The following RPS6KA5 variants were observed in gnomAD, a reference collection of about 807,000 sequenced individuals.
RPS6KA5 encodes the protein ribosomal protein S6 kinase A5.
A neutral mutation model predicts 85.5 loss-of-function variants in RPS6KA5; 27 were observed. The ratio of observed to expected loss-of-function variants is 0.32; its 90% CI spans 0.23 to 0.44. The LOEUF (loss-of-function observed/expected upper bound fraction) is 0.44. RPS6KA5 is among the 20% of genes least tolerant of loss of function. The pLI is 1.00. For missense variants in RPS6KA5, 811 were observed against 980.9 expected, an observed-to-expected ratio of 0.83 and a Z score of 2.31; for synonymous variants, 334 against 348.2, an observed-to-expected ratio of 0.96 and a Z score of 0.46.
At chr14:90,877,752 T>C (rs915920438) in intron 14 of RPS6KA5, among the ~76,000 whole-genome samples, 5 of 152,052 alleles carry the variant, frequency 3.3e-5, no homozygotes, top group African/African-American at 4.8e-5. Context: ...GTGCCTAGAG[T>C]ATAACCCAGT....
intron 3 of RPS6KA5, among the ~76,000 whole-genome samples, chr14:90,967,711 T>C (rs2140442134): frequency 6.6e-6 from 1 of 152,322 alleles, no homozygotes; most frequent in Middle Eastern, 3.4e-3. Context: ...TGCAATTAAC[T>C]TGCTTTTAAA....
intron 3 of RPS6KA5, among the ~76,000 whole-genome samples, chr14:90,949,963 G>C (rs1184171335): frequency 6.6e-6 from 1 of 152,120 alleles, no homozygotes; most frequent in African/African-American, 2.4e-5. Context: ...AATTTTGAGG[G>C]GGCAGTTATG....
intron 12 of RPS6KA5, among the ~76,000 whole-genome samples, chr14:90,895,898 A>C (rs1167429541): frequency 6.6e-6 from 1 of 152,188 alleles, no homozygotes; most frequent in African/African-American, 2.4e-5. Flanking sequence ...AAAAGAAAAA[A>C]AGCAAAGGAC....
intron 1 of RPS6KA5, chr14:91,052,272 A>C: frequency 2.9e-6 from 1 of 343,736 alleles, no homozygotes; most frequent in South Asian, 2.1e-5. Flanking sequence ...ACATGGCAAA[A>C]CCCCATCTCT....
intron 3 of RPS6KA5, among the ~76,000 whole-genome samples, chr14:90,966,392 G>A (rs1445054100): frequency 6.6e-6 from 1 of 152,178 alleles, no homozygotes; most frequent in East Asian, 1.9e-4. Flanking sequence ...AGGAGTTTAT[G>A]CACACAGTTA....
At chr14:91,005,774 C>T (rs1451096854) in intron 1 of RPS6KA5, among the ~76,000 whole-genome samples, 1 of 152,138 alleles carries the variant, frequency 6.6e-6, no homozygotes, top group East Asian at 1.9e-4. Flanking sequence ...GCTCAAACTT[C>T]TCTACAATAA....
At chr14:90,948,704 AAC>A (rs533966990) in intron 3 of RPS6KA5, among the ~76,000 whole-genome samples, 4,178 of 151,328 alleles carry the variant, frequency 0.028, 179 homozygotes, top group African/African-American at 0.098. Flanking sequence ...CAAAAAAAAA[AAC>A]AAAAAAACCC....
At chr14:90,959,304 G>A (rs2038681010) in intron 3 of RPS6KA5, among the ~76,000 whole-genome samples, 1 of 152,204 alleles carries the variant, frequency 6.6e-6, no homozygotes, top group Admixed American at 6.5e-5. Context: ...TGAATGAAAT[G>A]GGAAGACTCT....
intron 12 of RPS6KA5, among the ~76,000 whole-genome samples, chr14:90,898,186 C>G (rs2034947813): frequency 6.6e-6 from 1 of 152,170 alleles, no homozygotes; most frequent in African/African-American, 2.4e-5. Context: ...CCTTACCACA[C>G]TTACCAACTG....
chr14:91,004,927 G>C (rs565034084), intron 1 of RPS6KA5, among the ~76,000 whole-genome samples: 1 of 151,036 alleles, frequency 6.6e-6, no homozygotes, highest in Non-Finnish European at 1.5e-5. Context: ...AAGATCGCGC[G>C]CCACTGCACT....
intron 1 of RPS6KA5, among the ~76,000 whole-genome samples, chr14:91,023,846 T>C (rs1473211345): frequency 6.6e-6 from 1 of 152,222 alleles, no homozygotes; most frequent in East Asian, 1.9e-4. Context: ...AATATTGAAG[T>C]CTAATAGTAT....
chr14:90,904,350 A>G (rs2035385389), intron 8 of RPS6KA5, among the ~76,000 whole-genome samples: 1 of 152,222 alleles, frequency 6.6e-6, no homozygotes, highest in Non-Finnish European at 1.5e-5. Context: ...AAACAAAATA[A>G]TTAAATCACA....
intron 7 of RPS6KA5, among the ~76,000 whole-genome samples, chr14:90,914,124 T>C (rs1334560095): frequency 1.3e-5 from 2 of 152,020 alleles, no homozygotes; most frequent in Non-Finnish European, 2.9e-5. Context: ...GGGTTGACTG[T>C]AGCAGTAGAG....
At chr14:90,948,642 C>T (rs186836515) in intron 3 of RPS6KA5, among the ~76,000 whole-genome samples, 5 of 151,454 alleles carry the variant, frequency 3.3e-5, no homozygotes, top group Non-Finnish European at 7.4e-5. Context: ...TTGCAGTGAG[C>T]GGAGATCGCG....
At chr14:90,904,593 T>G (rs2035398809) in intron 8 of RPS6KA5, among the ~76,000 whole-genome samples, 1 of 152,192 alleles carries the variant, frequency 6.6e-6, no homozygotes, top group South Asian at 2.1e-4. Context: ...GGCCATTGTA[T>G]ATATATTAAA....
chr14:90,924,281 A>G (rs1055451262), intron 5 of RPS6KA5, among the ~76,000 whole-genome samples: 2 of 152,158 alleles, frequency 1.3e-5, no homozygotes, highest in Admixed American at 6.5e-5. Context: ...CTGGGTTCTA[A>G]CTTTTAGGTC....
intron 2 of RPS6KA5, among the ~76,000 whole-genome samples, chr14:90,988,352 A>C (rs542459316): frequency 1.3e-5 from 2 of 152,366 alleles, no homozygotes; most frequent in East Asian, 3.9e-4. Flanking sequence ...CAGCTTCCCC[A>C]ATAATAGCTA....
rs569135166 is a variant in RPS6KA5, at chr14:91,060,032, G to A, written c.103+300C>T. On this transcript the variant is annotated intron_variant, in intron 1 of 16. Transcript: ENST00000614987. ...ACGTGTGTCACCTGTGCGGGAAGGGGGAGCAGCGACATCCTCGGAGGTGCG... is the reference window on the plus strand; with the variant it reads ...ACGTGTGTCACCTGTGCGGGAAGGGAGAGCAGCGACATCCTCGGAGGTGCG... 1.5e-4 allele frequency: 152 copies of A among 985,286 alleles called. No individual in the cohort carries two copies. The African/African-American group carries it at 2.5e-3, about 16-fold the overall frequency. 61.0% of individuals were successfully genotyped at this position (985,286 alleles called of 1,614,324 possible). A position where few individuals can be genotyped will look rare whatever the true frequency, so the allele number is the denominator to read the frequency against.
At chr14:90,896,306 C>T (rs2034831863) in intron 12 of RPS6KA5, among the ~76,000 whole-genome samples, 2 of 152,158 alleles carry the variant, frequency 1.3e-5, no homozygotes, top group Non-Finnish European at 2.9e-5. Flanking sequence ...AAGGTCAGTT[C>T]TGTTATTTAT....
Sources: gnomAD v4.1 joint callset for allele counts (sites outside exome capture counted in the v4.1 genomes callset) on GRCh38, gnomAD v4.1.1 for gene constraint, MANE v1.5 for transcripts, NCBI Gene and HGNC (gene_info 2026-07-23, HGNC 2026-07-21) for gene names.